Variants in LRRC49 observed in about 807,000 individuals in gnomAD.
LRRC49 encodes leucine rich repeat containing 49, also known as leucine-rich repeat-containing protein 49.
Under a neutral mutation model 83.3 loss-of-function variants are expected in LRRC49, and 50 were observed. That is an observed-to-expected ratio of 0.60 (90% CI 0.48 to 0.76). LRRC49 has a LOEUF of 0.76. LRRC49 is among the 30% of genes least tolerant of loss of function. LRRC49 has a pLI of 0.00. For missense variants in LRRC49, 704 were observed against 809.1 expected, an observed-to-expected ratio of 0.87 and a Z score of 1.58; for synonymous variants, 286 against 283.3, an observed-to-expected ratio of 1.01 and a Z score of -0.10.
At chr15:71,021,390 T>A (rs2038991767) in intron 14 of LRRC49, among the ~76,000 whole-genome samples, 1 of 152,108 alleles carries the variant, frequency 6.6e-6, no homozygotes, top group Non-Finnish European at 1.5e-5. Flanking sequence ...AGCAAATATA[T>A]AGCTTCCAAA....
Position 71,037,317 on chromosome 15 carries a change from T to C in LRRC49, c.1842T>C (p.Tyr614=). The C allele has an allele frequency of 1.9e-6, 3 of 1,598,144 alleles. No individual in the cohort carries two copies. The highest frequency in any genetic ancestry group is 2.6e-6 in the Non-Finnish European group (3 of 1,173,690). ...ATLNYTTRDF[Y]NEKLEEIKEK... ...TAAATTATACTACAAGAGACTTTTA[T>C]AATGAAAAGCTAGAGGTAAAACTAC... Residue 614 remains tyrosine, a synonymous_variant, in exon 15 of 16, where the codon TAT becomes TAC. Coordinates refer to ENST00000260382, the MANE Select transcript of LRRC49 (RefSeq NM_017691.5).
intron 1 of LRRC49, among the ~76,000 whole-genome samples, chr15:70,865,426 TC>T (rs2032888895): frequency 6.6e-6 from 1 of 152,202 alleles, no homozygotes; most frequent in Admixed American, 6.5e-5. Context: ...TGTTGATAGT[TC>T]CGTAAAATTA....
intron 5 of LRRC49, among the ~76,000 whole-genome samples, chr15:70,905,876 C>T (rs982250999): frequency 4.0e-5 from 6 of 151,802 alleles, no homozygotes; most frequent in Non-Finnish European, 7.4e-5. Context: ...GCCCTATATC[C>T]AAAAAGGGAA....
chr15:70,898,918 A>G (rs2033952962), intron 3 of LRRC49, among the ~76,000 whole-genome samples: 1 of 152,146 alleles, frequency 6.6e-6, no homozygotes, highest in African/African-American at 2.4e-5. Context: ...ACCCACATAT[A>G]TATGTGGATA....
At chr15:71,033,922 C>T (rs566248044) in intron 14 of LRRC49, among the ~76,000 whole-genome samples, 160 of 152,254 alleles carry the variant, frequency 1.1e-3, no homozygotes, top group African/African-American at 3.7e-3. Flanking sequence ...AAACCCAAAA[C>T]TATAAAAAGC....
At chr15:70,975,466 G>T (rs976663011) in intron 9 of LRRC49, among the ~76,000 whole-genome samples, 2 of 152,138 alleles carry the variant, frequency 1.3e-5, no homozygotes, top group Admixed American at 1.3e-4. Context: ...GCCAAGGTGG[G>T]CAGATCACTT....
rs770524635 is a variant in LRRC49 at position 70,980,195 on chromosome 15, T to C, written c.1005+11T>C. On this transcript the variant is annotated intron_variant, in intron 10 of 15. Coordinates refer to ENST00000260382, the MANE Select transcript of LRRC49 (RefSeq NM_017691.5). ...CAATCTTTGCTTAAGGTATTTTCTC[T>C]GATGTCTACATGGATGTGTGTGCAC... The C allele has an allele frequency of 1.3e-6, 2 of 1,596,844 alleles. No homozygotes were observed. Among genetic ancestry groups the C allele is most frequent in the Non-Finnish European group, 1.7e-6 (2 of 1,166,372 alleles).
intron 14 of LRRC49, among the ~76,000 whole-genome samples, chr15:71,024,440 T>C (rs1045296157): frequency 6.6e-5 from 10 of 152,092 alleles, no homozygotes; most frequent in Non-Finnish European, 1.3e-4. Flanking sequence ...CAGCCTCCAC[T>C]GATGACACCT....
intron 8 of LRRC49, among the ~76,000 whole-genome samples, chr15:70,961,642 A>T (rs1318084104): frequency 6.6e-6 from 1 of 152,220 alleles, no homozygotes; most frequent in Non-Finnish European, 1.5e-5. Context: ...AAAGAAGTCA[A>T]TCTGAAAAGG....
chr15:70,936,926 A>G (rs2035620561), intron 8 of LRRC49, 104 bp downstream of exon 8: 1 of 711,322 alleles, frequency 1.4e-6, no homozygotes, highest in Non-Finnish European at 2.4e-6. Context: ...ACTAGCATGG[A>G]AGATTTTAAA....
chr15:70,990,229 C>T (rs989221264), intron 11 of LRRC49, among the ~76,000 whole-genome samples: 5 of 152,286 alleles, frequency 3.3e-5, no homozygotes, highest in African/African-American at 1.2e-4. Flanking sequence ...TGTGCCCTGC[C>T]CCCAGAGGTG....
At chr15:70,990,577 T>C (rs544831252) in intron 11 of LRRC49, among the ~76,000 whole-genome samples, 42 of 152,324 alleles carry the variant, frequency 2.8e-4, no homozygotes, top group Admixed American at 9.8e-4. Context: ...CCCTGACCCC[T>C]TGCACTTCCC....
chr15:70,908,191 G>A (rs947664826), intron 5 of LRRC49, among the ~76,000 whole-genome samples: 2 of 152,184 alleles, frequency 1.3e-5, no homozygotes, highest in African/African-American at 2.4e-5. Context: ...CAAAGCTAAC[G>A]AATACCAGAA....
chr15:70,969,902 A>G (rs111732620), intron 9 of LRRC49, among the ~76,000 whole-genome samples: 23 of 152,328 alleles, frequency 1.5e-4, no homozygotes, highest in African/African-American at 5.1e-4. Flanking sequence ...TTTTCTAAAT[A>G]TACAATCATA....
intron 2 of LRRC49, among the ~76,000 whole-genome samples, chr15:70,878,569 T>A (rs2033199909): frequency 6.6e-6 from 1 of 152,240 alleles, no homozygotes. Flanking sequence ...GAACATTAAC[T>A]ATGGATTTAG....
intron 11 of LRRC49, among the ~76,000 whole-genome samples, chr15:71,000,659 G>A (rs1294943219): frequency 6.6e-6 from 1 of 151,924 alleles, no homozygotes; most frequent in Non-Finnish European, 1.5e-5. Context: ...TTTTTTTCTG[G>A]AGTTTCTGAT....
intron 11 of LRRC49, among the ~76,000 whole-genome samples, chr15:71,006,196 T>A (rs1216724107): frequency 6.6e-6 from 1 of 152,236 alleles, no homozygotes; most frequent in Non-Finnish European, 1.5e-5. Context: ...TTGTTTATTA[T>A]GTCACTTATT....
At chr15:70,950,917 T>C (rs1167893431) in intron 8 of LRRC49, among the ~76,000 whole-genome samples, 1 of 152,204 alleles carries the variant, frequency 6.6e-6, no homozygotes, top group East Asian at 1.9e-4. Flanking sequence ...CTTTAATCCA[T>C]GTTGAGTTAA....
At chr15:71,039,365 C>T (rs1409799704) in intron 15 of LRRC49, among the ~76,000 whole-genome samples, 1 of 152,108 alleles carries the variant, frequency 6.6e-6, no homozygotes, top group Non-Finnish European at 1.5e-5. Flanking sequence ...AGGATTATGT[C>T]TCCTCTTCCT....
Sources: gnomAD v4.1 joint callset for allele counts (sites outside exome capture counted in the v4.1 genomes callset) on GRCh38, gnomAD v4.1.1 for gene constraint, MANE v1.5 for transcripts, NCBI Gene and HGNC (gene_info 2026-07-23, HGNC 2026-07-21) for gene names.